SMC6: variants seen among roughly 807,000 people sequenced by gnomAD.
The protein encoded by SMC6 is structural maintenance of chromosomes 6.
In SMC6, 79 loss-of-function variants were observed where a neutral mutation model predicts 142.2. That is an observed-to-expected ratio of 0.56 (90% CI 0.46 to 0.67). The LOEUF is 0.67. SMC6 is among the 30% of genes least tolerant of loss of function. The pLI, the probability that SMC6 is intolerant of heterozygous loss-of-function variation, is 0.00. For synonymous variants in SMC6, 411 were observed against 412.4 expected, an observed-to-expected ratio of 1.00 and a Z score of 0.04; for missense variants, 1,072 against 1,284.0, an observed-to-expected ratio of 0.83 and a Z score of 2.52.
At chr2:17,707,148 G>A in intron 18 of SMC6, 71 bp downstream of exon 18, 1 of 1,243,490 alleles carries the variant, frequency 8.0e-7, no homozygotes, top group Admixed American at 2.8e-5. Flanking sequence ...CACTAAAAGA[G>A]TAATATGAAA....
At chr2:17,747,489 CT>C (rs200620327) in intron 2 of SMC6, among the ~76,000 whole-genome samples, 5,346 of 142,738 alleles carry the variant, frequency 0.037, 278 homozygotes, top group African/African-American at 0.12. Flanking sequence ...AACTAAACAA[CT>C]TTTTTTCTTT....
chr2:17,675,189 G>C (rs997169199), intron 25 of SMC6, among the ~76,000 whole-genome samples: 1 of 152,000 alleles, frequency 6.6e-6, no homozygotes, highest in Non-Finnish European at 1.5e-5. Flanking sequence ...TTACTCTAGA[G>C]ATTGCAATAT....
rs1666413403 is a variant in SMC6 at position 17,664,679 on chromosome 2, A to G, written c.*820T>C. On this transcript the variant is annotated 3_prime_UTR_variant, in exon 28 of 28. Transcript: ENST00000448223. The stretch of plus-strand genomic sequence containing the variant: ...TAGGATGAGTCTTAGAATTGATGTC[A>G]GCTCACCATCAACTGCATGGCCTCA... 6.6e-6 allele frequency: 1 copy of G among 152,202 alleles called. No homozygotes were observed. The highest frequency in any genetic ancestry group is 2.4e-5 in the African/African-American group (1 of 41,452). The allele number at this position is 152,202 out of a possible 1,614,324, so 9.4% of individuals were successfully genotyped here. A position where few individuals can be genotyped will look rare whatever the true frequency, so the allele number is the denominator to read the frequency against.
intron 7 of SMC6, among the ~76,000 whole-genome samples, chr2:17,728,382 C>T (rs58052432): frequency 0.018 from 2,687 of 152,064 alleles, 61 homozygotes; most frequent in African/African-American, 0.047. Flanking sequence ...TGCAGGGAGT[C>T]GTGATCATGC....
chr2:17,725,445 G>T (rs1669568277), intron 8 of SMC6, 87 bp from the exon 9 acceptor site: 1 of 882,920 alleles, frequency 1.1e-6, no homozygotes, highest in Admixed American at 3.2e-5. Context: ...TTTAGTTTCT[G>T]AAAACTTTTA....
intron 25 of SMC6, among the ~76,000 whole-genome samples, chr2:17,672,269 C>G (rs533230501): frequency 2.0e-5 from 3 of 152,292 alleles, no homozygotes; most frequent in Admixed American, 2.0e-4. Flanking sequence ...ACTTCAGTGT[C>G]ACTTTCCTTA....
chr2:17,731,257 G>C, intron 6 of SMC6, 118 bp from the exon 7 acceptor site: 3 of 683,976 alleles, frequency 4.4e-6, no homozygotes, highest in Non-Finnish European at 5.0e-6. Flanking sequence ...ATCAAGAAAG[G>C]TACCATTGAA....
chr2:17,699,498 G>C (rs751060655), intron 21 of SMC6, among the ~76,000 whole-genome samples: 5 of 152,032 alleles, frequency 3.3e-5, no homozygotes, highest in Non-Finnish European at 7.4e-5. Flanking sequence ...CCAAATTTGG[G>C]AAGTGTTTAG....
At chr2:17,732,903 C>T (rs1043611493) in intron 5 of SMC6, among the ~76,000 whole-genome samples, 12 of 151,680 alleles carry the variant, frequency 7.9e-5, no homozygotes, top group Admixed American at 7.9e-4. Flanking sequence ...ATTTTAAGAT[C>T]TATAGGAGTA....
chr2:17,683,814 A>G (rs374698667), intron 23 of SMC6, 51 bp from the exon 24 acceptor site: 39 of 1,528,488 alleles, frequency 2.6e-5, no homozygotes, highest in African/African-American at 8.3e-5. Flanking sequence ...CGTAAAAAAC[A>G]TAACAGTAGA....
chr2:17,692,767 C>T (rs1464124280), intron 23 of SMC6, among the ~76,000 whole-genome samples: 1 of 152,114 alleles, frequency 6.6e-6, no homozygotes, highest in African/African-American at 2.4e-5. Flanking sequence ...AGTGAACAGG[C>T]AACCTACAGA....
intron 23 of SMC6, among the ~76,000 whole-genome samples, chr2:17,686,612 C>G (rs1318303755): frequency 2.0e-5 from 3 of 152,136 alleles, no homozygotes; most frequent in Non-Finnish European, 4.4e-5. Flanking sequence ...AACGCAGGTA[C>G]ACAATGCAGT....
chr2:17,751,005 CAAAAAAAAA>C (rs34661130), intron 2 of SMC6, among the ~76,000 whole-genome samples: 125 of 53,814 alleles, frequency 2.3e-3, no homozygotes, highest in Non-Finnish European at 3.1e-3. Context: ...ACAGCTGTCT[CAAAAAAAAA>C]AAAAAAAAAA....
At chr2:17,742,298 G>A (rs2125075526) in intron 3 of SMC6, among the ~76,000 whole-genome samples, 1 of 152,280 alleles carries the variant, frequency 6.6e-6, no homozygotes, top group East Asian at 1.9e-4. Context: ...TTTCAATTCA[G>A]AGAGCAGAGT....
intron 23 of SMC6, among the ~76,000 whole-genome samples, chr2:17,689,606 T>C (rs969007330): frequency 6.6e-6 from 1 of 152,242 alleles, no homozygotes; most frequent in Non-Finnish European, 1.5e-5. Flanking sequence ...CAATAATGTT[T>C]GAAGTTTTAT....
rs943784219 is a variant in SMC6, at chr2:17,713,656, A to G, written c.1730+1205T>C. The stretch of plus-strand genomic sequence containing the variant: ...TCCTTCAGCTAGTCACTCTAACCAG[A>G]AACCTAGGAGTCATCCTGATTTTTC... On this transcript the variant is annotated intron_variant, in intron 16 of 27. Coordinates refer to ENST00000448223, the MANE Select transcript of SMC6 (RefSeq NM_001142286.2). The G allele has an allele frequency of 1.8e-5, 7 of 383,358 alleles. No individual in the cohort carries two copies. In the East Asian group the frequency reaches 4.9e-4, roughly 27 times the overall value. 23.7% of individuals were successfully genotyped at this position (383,358 alleles called of 1,614,324 possible).
At chr2:17,675,841 GTTTTCT>G (rs901241265) in intron 25 of SMC6, among the ~76,000 whole-genome samples, 2 of 151,962 alleles carry the variant, frequency 1.3e-5, no homozygotes, top group Non-Finnish European at 2.9e-5. Context: ...TTCAGGTATG[GTTTTCT>G]TTATATTTAC....
In SMC6 at chr2:17,696,139, C is replaced by A. The variant is rs1216340024; in HGVS notation, c.2532+150G>T. On this transcript the variant is annotated intron_variant, in intron 22 of 27. Transcript: ENST00000448223. ...CACTCTGAGGGTCCCTAAGCCTCTT[C>A]TGTTGATTCACCCAAACACCTATTA... 1.1e-5 allele frequency: 10 copies of A among 934,348 alleles called. No homozygotes were observed. The Admixed American group carries it at 2.9e-4, about 27-fold the overall frequency. The allele number at this position is 934,348 out of a possible 1,614,324, so 57.9% of individuals were successfully genotyped here. A position where few individuals can be genotyped will look rare whatever the true frequency, so the allele number is the denominator to read the frequency against.
At chr2:17,681,099 T>A (rs1667220961) in intron 24 of SMC6, 1 of 152,260 alleles carries the variant, frequency 6.6e-6, no homozygotes. Flanking sequence ...CTGTTTCACC[T>A]TGCACTTTTA....
Sources: gnomAD v4.1 joint callset for allele counts (sites outside exome capture counted in the v4.1 genomes callset) on GRCh38, gnomAD v4.1.1 for gene constraint, MANE v1.5 for transcripts, NCBI Gene and HGNC (gene_info 2026-07-23, HGNC 2026-07-21) for gene names.